HMCN1: variants seen among roughly 807,000 people sequenced by gnomAD.
HMCN1 encodes the protein hemicentin-1.
HMCN1 carries 321 observed loss-of-function variants against 625.9 expected under a neutral mutation model. The ratio of observed to expected loss-of-function variants is 0.51; its 90% CI spans 0.47 to 0.56. HMCN1 has a LOEUF of 0.56. Among genes scored for constraint, HMCN1 ranks in the 20% least tolerant of loss-of-function variants. HMCN1 has a pLI of 0.00. For missense variants in HMCN1, 6,588 were observed against 6,887.3 expected, an observed-to-expected ratio of 0.96 and a Z score of 1.54; for synonymous variants, 2,425 against 2,417.6, an observed-to-expected ratio of 1.00 and a Z score of -0.09.
rs1650827174 is a variant in HMCN1, at chr1:186,153,888, C to T, written c.15157C>T (p.Pro5053Ser). Residue 5053 changes from proline to serine, a missense_variant, in exon 97 of 107, where the codon CCT (proline) becomes TCT (serine). By Grantham distance (74) the Pro-to-Ser change is moderately conservative. Around this residue, in one of 3 missense-constraint regions of HMCN1, gnomAD observed 1,954 missense variants for 2,013.1 expected, o/e 0.97. Transcript: ENST00000271588. ...CTATGATCAGGCACAGGGAAGAATGCCTTTCTTGGTTGAAACACTTCATGC... is the reference window on the plus strand; with the variant it reads ...CTATGATCAGGCACAGGGAAGAATGTCTTTCTTGGTTGAAACACTTCATGC... The part of the protein sequence containing the change: ...VFYDQAQGRM[P>S]FLVETLHASS... The T allele has an allele frequency of 6.2e-7, 1 of 1,614,140 alleles. No individual in the cohort carries two copies. Among genetic ancestry groups the T allele is most frequent in the Non-Finnish European group, 8.5e-7 (1 of 1,179,992 alleles).
At chr1:186,086,551 G>A in intron 58 of HMCN1, 144 bp downstream of exon 58, 2 of 810,222 alleles carry the variant, frequency 2.5e-6, no homozygotes, top group Non-Finnish European at 4.0e-6. Flanking sequence ...CCCATTTGTG[G>A]TCATTAAGGT....
intron 82 of HMCN1, among the ~76,000 whole-genome samples, chr1:186,127,166 G>C (rs553275672): frequency 3.9e-5 from 6 of 152,176 alleles, no homozygotes; most frequent in African/African-American, 1.4e-4. Flanking sequence ...GGCTACAGGT[G>C]GTACAGGAAG....
At chr1:185,903,241 T>C (rs1307714000) in intron 4 of HMCN1, among the ~76,000 whole-genome samples, 3 of 151,782 alleles carry the variant, frequency 2.0e-5, no homozygotes, top group Admixed American at 1.3e-4. Flanking sequence ...GGCTGTTGTG[T>C]ATTATAAAAC....
Position 185,962,510 on chromosome 1 carries a change from A to G in HMCN1, c.1829-8A>G. ...CATTTTTCTACATACGTATATTTTT[A>G]TTTGCAGAACCACCCAAAGTCACTG... On this transcript the variant is annotated splice_region_variant and splice_polypyrimidine_tract_variant and intron_variant, in intron 11 of 106. Coordinates refer to ENST00000271588, the MANE Select transcript of HMCN1 (RefSeq NM_031935.3). 1 of 1,612,400 alleles carries G rather than the reference A, an allele frequency of 6.2e-7. No homozygotes were observed. Among genetic ancestry groups the G allele is most frequent in the African/African-American group, 1.3e-5 (1 of 75,002 alleles).
intron 105 of HMCN1, among the ~76,000 whole-genome samples, chr1:186,183,039 GTATAGCTCCTAAAAATCTTC>G (rs1304851790): frequency 6.6e-6 from 1 of 152,160 alleles, no homozygotes; most frequent in Non-Finnish European, 1.5e-5. Flanking sequence ...ATAAGAACTT[GTATAGCTCCTAAAAATCTTC>G]TAAGAAACCC....
intron 50 of HMCN1, among the ~76,000 whole-genome samples, chr1:186,069,082 C>A (rs143122724): frequency 7.9e-5 from 12 of 152,130 alleles, no homozygotes; most frequent in African/African-American, 2.9e-4. Context: ...CCTAGCCCTG[C>A]GCAATAGAAT....
rs1424600085 is a variant in HMCN1 at position 186,152,748 on chromosome 1, A to C, written c.14897-2A>C. On this transcript the variant is annotated splice_acceptor_variant, in intron 95 of 106. Transcript: ENST00000271588. LOFTEE classifies it high-confidence loss of function. ...TCAAAATGAATGTCTTGTAATTCCC[A>C]GGAGAAATCTTGCAGATGAGTCATA... is the stretch of plus-strand genomic sequence containing the variant. 1 of 1,613,788 alleles carries C rather than the reference A, an allele frequency of 6.2e-7. No homozygotes were observed. The highest frequency in any genetic ancestry group is 1.7e-5 in the Admixed American group (1 of 60,004).
intron 1 of HMCN1, among the ~76,000 whole-genome samples, chr1:185,766,620 A>T (rs1055088101): frequency 6.6e-6 from 1 of 152,150 alleles, no homozygotes; most frequent in African/African-American, 2.4e-5. Flanking sequence ...CTCATTGCTT[A>T]AATACACCTT....
At chr1:186,113,878 A>T (rs41317485) in intron 72 of HMCN1, 101 bp from the exon 73 acceptor site, 24,731 of 1,258,178 alleles carry the variant, frequency 0.02, 367 homozygotes, top group Non-Finnish European at 0.021. Flanking sequence ...ACAAAGCTAT[A>T]CATTTGACTC....
At chr1:186,102,347 G>A (rs1445212442) in intron 68 of HMCN1, among the ~76,000 whole-genome samples, 1 of 152,052 alleles carries the variant, frequency 6.6e-6, no homozygotes, top group Non-Finnish European at 1.5e-5. Context: ...TTCTCCAGAA[G>A]GAAAACAGAG....
chr1:185,872,043 A>G (rs1330359346), intron 4 of HMCN1, among the ~76,000 whole-genome samples: 1 of 152,236 alleles, frequency 6.6e-6, no homozygotes, highest in Non-Finnish European at 1.5e-5. Flanking sequence ...AAAATGTATC[A>G]GGGACAACTA....
chr1:186,144,124 A>C (rs1229938466), intron 89 of HMCN1, 49 bp from the exon 90 acceptor site: 1 of 1,527,804 alleles, frequency 6.5e-7, no homozygotes, highest in Non-Finnish European at 8.8e-7. Flanking sequence ...TTTTGGTTTT[A>C]AACAAACACG....
At chr1:185,836,134 T>A (rs991045468) in intron 1 of HMCN1, among the ~76,000 whole-genome samples, 3 of 152,214 alleles carry the variant, frequency 2.0e-5, no homozygotes, top group Non-Finnish European at 2.9e-5. Context: ...TTATCTTGCC[T>A]AATGCTCAGA....
Position 186,178,750 on chromosome 1 carries a change from CCATGACA to C in HMCN1, c.16283_16289del (p.Asp5428ValfsTer2), listed in dbSNP as rs1652757003. ...CTTGCCCTGAAGGCTCTGAGGCAAGCCATGACACATGTGTAGGTAAATGTCAGCCATA... is the reference window on the plus strand; with the variant it reads ...CTTGCCCTGAAGGCTCTGAGGCAAGCCATGTGTAGGTAAATGTCAGCCATA... On this transcript the variant is annotated frameshift_variant, in exon 104 of 107. Transcript: ENST00000271588. LOFTEE classifies it high-confidence loss of function. 4 of 1,607,682 alleles carry C rather than the reference CCATGACA, an allele frequency of 2.5e-6. No homozygotes were observed. The highest frequency in any genetic ancestry group is 3.4e-6 in the Non-Finnish European group (4 of 1,174,268).
chr1:186,065,703 G>T (rs865844068), intron 49 of HMCN1, among the ~76,000 whole-genome samples: 1 of 152,092 alleles, frequency 6.6e-6, no homozygotes, highest in Non-Finnish European at 1.5e-5. Context: ...AAGATATGTT[G>T]GTCAAAGAGA....
chr1:185,786,211 G>A (rs1181530953), intron 1 of HMCN1, among the ~76,000 whole-genome samples: 3 of 152,116 alleles, frequency 2.0e-5, no homozygotes, highest in Admixed American at 6.5e-5. Flanking sequence ...TTTCCAAATC[G>A]AAGGCCCAGA....
intron 36 of HMCN1, among the ~76,000 whole-genome samples, chr1:186,030,501 C>T (rs2102195248): frequency 6.6e-6 from 1 of 152,042 alleles, no homozygotes; most frequent in Admixed American, 6.6e-5. Context: ...AGTATAGCCC[C>T]TGCAGTTCTT....
intron 1 of HMCN1, among the ~76,000 whole-genome samples, chr1:185,757,642 A>G (rs112370422): frequency 0.048 from 7,247 of 152,116 alleles, 490 homozygotes; most frequent in African/African-American, 0.16. Context: ...ATATATAAAT[A>G]TATATGCTTA....
intron 5 of HMCN1, 87 bp downstream of exon 5, chr1:185,909,595 G>A: frequency 8.8e-7 from 1 of 1,133,708 alleles, no homozygotes; most frequent in Non-Finnish European, 1.3e-6. Context: ...TCAAGTTAAT[G>A]CCAACTTCAT....
Sources: allele counts gnomAD v4.1 joint callset (sites outside exome capture counted in the v4.1 genomes callset), GRCh38; gene constraint gnomAD v4.1.1; regional missense constraint gnomAD v4.1.1; transcripts MANE v1.5; gene names NCBI Gene and HGNC (gene_info 2026-07-23, HGNC 2026-07-21).